CSMD1: variants seen among roughly 807,000 people sequenced by gnomAD.
CSMD1 encodes CUB and Sushi multiple domains 1, also known as CUB and sushi domain-containing protein 1.
CSMD1 carries 213 observed loss-of-function variants against 417.5 expected under a neutral mutation model. The ratio of observed to expected loss-of-function variants is 0.51; its 90% confidence interval spans 0.46 to 0.57. The LOEUF is 0.57. CSMD1 is among the 20% of genes least tolerant of loss of function. The probability of loss-of-function intolerance (pLI) is 0.00; values close to 1 mark genes in which losing one functional copy is unlikely to be tolerated. For missense variants in CSMD1, 6,923 were observed against 4,529.7 expected, an observed-to-expected ratio of 1.53 and a Z score of -15.17; for synonymous variants, 2,862 against 1,736.8, an observed-to-expected ratio of 1.65 and a Z score of -16.11.
intron 47 of CSMD1, among the ~76,000 whole-genome samples, chr8:3,094,817 A>G (rs1045449542): frequency 1.3e-5 from 2 of 151,538 alleles, no homozygotes; most frequent in African/African-American, 2.4e-5. Flanking sequence ...AAAAAAAAAA[A>G]AAAGAGAGAG....
At chr8:4,478,372 T>G (rs954754602) in intron 2 of CSMD1, among the ~76,000 whole-genome samples, 2 of 152,196 alleles carry the variant, frequency 1.3e-5, no homozygotes, top group Admixed American at 6.5e-5. Context: ...ATATTAAGAT[T>G]TGAAACACAC....
intron 1 of CSMD1, among the ~76,000 whole-genome samples, chr8:4,928,853 T>C (rs1238379223): frequency 6.6e-6 from 1 of 152,108 alleles, no homozygotes; most frequent in Non-Finnish European, 1.5e-5. Flanking sequence ...GTGGATCACC[T>C]GAGGTTGGGA....
At chr8:4,009,746 C>G (rs1205310414) in intron 4 of CSMD1, among the ~76,000 whole-genome samples, 2 of 151,998 alleles carry the variant, frequency 1.3e-5, no homozygotes, top group African/African-American at 2.4e-5. Flanking sequence ...CAGGCGCTCA[C>G]TCCTCCAGGA....
intron 3 of CSMD1, among the ~76,000 whole-genome samples, chr8:4,251,124 AT>A (rs906323363): frequency 6.6e-6 from 1 of 152,152 alleles, no homozygotes; most frequent in Non-Finnish European, 1.5e-5. Flanking sequence ...CCTATAAATC[AT>A]TTTTTTAAAA....
intron 1 of CSMD1, among the ~76,000 whole-genome samples, chr8:4,715,547 T>C (rs890877491): frequency 1.3e-5 from 2 of 152,180 alleles, no homozygotes; most frequent in Non-Finnish European, 2.9e-5. Context: ...CACGTATATA[T>C]ATCCAACGGT....
chr8:4,809,349 A>G (rs1034639063), intron 1 of CSMD1, among the ~76,000 whole-genome samples: 2 of 152,222 alleles, frequency 1.3e-5, no homozygotes, highest in African/African-American at 4.8e-5. Context: ...TCACCATGGG[A>G]TGAAACAACT....
At chr8:3,092,461 C>T (rs1347254241) in intron 47 of CSMD1, among the ~76,000 whole-genome samples, 2 of 152,186 alleles carry the variant, frequency 1.3e-5, no homozygotes, top group Non-Finnish European at 2.9e-5. Flanking sequence ...ACTCCAACTT[C>T]AGAATACTAA....
intron 3 of CSMD1, among the ~76,000 whole-genome samples, chr8:4,297,812 A>C (rs1797767503): frequency 6.6e-6 from 1 of 152,206 alleles, no homozygotes; most frequent in Admixed American, 6.5e-5. Context: ...GAATTATATA[A>C]TTAAATTTGA....
chr8:3,904,800 G>T (rs915548526), intron 5 of CSMD1, among the ~76,000 whole-genome samples: 1 of 151,638 alleles, frequency 6.6e-6, no homozygotes, highest in Non-Finnish European at 1.5e-5. Context: ...CCATGCCCAG[G>T]TAATTTTTGT....
At position 3,979,646 on chromosome 8, in the gene CSMD1, C is replaced by T. The variant is rs1373390241; in HGVS notation, c.818+18257G>A. ...GGAAGAGATTCCAGAGCTCTCTCCC[C>T]GCCTTGTGAAGACGCTGAAAGCAGG... On this transcript the variant is annotated intron_variant, in intron 5 of 69. Coordinates refer to ENST00000635120, the MANE Select transcript of CSMD1 (RefSeq NM_033225.6). Among the ~76,000 whole-genome samples, 7 of 152,150 alleles carry T rather than the reference C, an allele frequency of 4.6e-5. No homozygotes were observed. The Middle Eastern group carries it at 9.5e-3, about 206-fold the overall frequency.
chr8:4,754,291 T>G (rs899683186), intron 1 of CSMD1, among the ~76,000 whole-genome samples: 3 of 152,194 alleles, frequency 2.0e-5, no homozygotes, highest in Admixed American at 1.3e-4. Flanking sequence ...GAAATTGCAC[T>G]GTTACCCGGT....
intron 2 of CSMD1, among the ~76,000 whole-genome samples, chr8:4,432,474 A>G (rs758586102): frequency 5.3e-5 from 8 of 152,314 alleles, no homozygotes; most frequent in South Asian, 2.1e-4. Flanking sequence ...TCAAGTATCA[A>G]TTACCCTCCT....
At chr8:4,378,074 C>A (rs1327849495) in intron 3 of CSMD1, among the ~76,000 whole-genome samples, 1 of 152,190 alleles carries the variant, frequency 6.6e-6, no homozygotes, top group Admixed American at 6.5e-5. Context: ...CAATTACAGA[C>A]TCCGAAGGTG....
At chr8:4,985,058 G>A (rs1811100133) in intron 1 of CSMD1, among the ~76,000 whole-genome samples, 1 of 152,190 alleles carries the variant, frequency 6.6e-6, no homozygotes, top group Non-Finnish European at 1.5e-5. Context: ...CATGTCCTTT[G>A]CAGGGACGTG....
intron 57 of CSMD1, among the ~76,000 whole-genome samples, chr8:2,968,048 T>C (rs1410717390): frequency 1.3e-5 from 2 of 152,250 alleles, no homozygotes; most frequent in Admixed American, 6.5e-5. Context: ...AGTAGTTTCC[T>C]GGTTGGCATA....
intron 3 of CSMD1, among the ~76,000 whole-genome samples, chr8:4,239,355 T>G (rs1204930615): frequency 1.3e-5 from 2 of 152,204 alleles, no homozygotes; most frequent in African/African-American, 2.4e-5. Flanking sequence ...TTGGTGGAAC[T>G]GCCAATGAAG....
At chr8:3,826,295 A>G (rs1802050138) in intron 5 of CSMD1, among the ~76,000 whole-genome samples, 1 of 151,930 alleles carries the variant, frequency 6.6e-6, no homozygotes, top group African/African-American at 2.4e-5. Flanking sequence ...GTAATGAAGG[A>G]GGTTGAGATT....
chr8:3,939,185 T>C (rs1225205786), intron 5 of CSMD1, among the ~76,000 whole-genome samples: 1 of 152,082 alleles, frequency 6.6e-6, no homozygotes, highest in Non-Finnish European at 1.5e-5. Flanking sequence ...TGACAGACTG[T>C]ATAAGAGAAC....
intron 2 of CSMD1, among the ~76,000 whole-genome samples, chr8:4,477,936 A>G (rs1385658399): frequency 6.6e-6 from 1 of 152,218 alleles, no homozygotes; most frequent in Non-Finnish European, 1.5e-5. Context: ...CTGGCGCATG[A>G]TAGCTATGCA....
Sources: allele counts gnomAD v4.1 joint callset (sites outside exome capture counted in the v4.1 genomes callset), GRCh38; gene constraint gnomAD v4.1.1; transcripts MANE v1.5; gene names NCBI Gene and HGNC (gene_info 2026-07-23, HGNC 2026-07-21).